Variants in LINGO1 observed in about 807,000 individuals in gnomAD.
LINGO1 encodes the protein leucine rich repeat and Ig domain containing 1, also known as leucine-rich repeat and immunoglobulin-like domain-containing nogo receptor-interacting protein 1.
LINGO1 carries 11 observed loss-of-function variants against 37.3 expected under a neutral mutation model. The observed-to-expected ratio is 0.29, with a 90% confidence interval of 0.19 to 0.49. The LOEUF is 0.49. Ranked by LOEUF, LINGO1 falls within the 20% of genes least tolerant of loss-of-function variation. The pLI, the probability that LINGO1 is intolerant of heterozygous loss-of-function variation, is 0.99. For synonymous variants in LINGO1, 387 were observed against 403.0 expected (o/e 0.96, Z 0.48); for missense variants, 585 against 878.2 (o/e 0.67, Z 4.22).
At chr15:77,702,108 G>A (rs1271008336) in intron 2 of LINGO1, among the ~76,000 whole-genome samples, 2 of 152,148 alleles carry the variant, frequency 1.3e-5, no homozygotes, top group Non-Finnish European at 2.9e-5. Flanking sequence ...GTGCTCCAAG[G>A]TGTTTAGTTC....
Position 77,614,569 on chromosome 15 carries a change from G to A in LINGO1, c.1338C>T (p.Cys446=). 1 of 1,610,578 alleles carries A rather than the reference G, an allele frequency of 6.2e-7. No homozygotes were observed. Among genetic ancestry groups the A allele is most frequent in the South Asian group, 1.1e-5 (1 of 90,726 alleles). The change falls in exon 2 of 2, where the codon TGC becomes TGT. Residue 446 remains cysteine, a synonymous_variant. Coordinates refer to ENST00000355300, the MANE Select transcript of LINGO1 (RefSeq NM_032808.7). ...VDEGHTVQFV[C]RADGDPPPAI... ...CGGGCGGCGGGTCGCCATCGGCCCG[G>A]CACACAAACTGCACCGTGTGGCCCT...
chr15:77,772,563 T>C (rs8035962), intron 1 of LINGO1, among the ~76,000 whole-genome samples: 118,139 of 152,038 alleles, frequency 0.78, 47,300 homozygotes, highest in Non-Finnish European at 0.87. Flanking sequence ...CCCAAATCCA[T>C]AGACTCGGCT....
At chr15:77,653,714 C>T (rs1596053966) in intron 3 of LINGO1, among the ~76,000 whole-genome samples, 1 of 152,258 alleles carries the variant, frequency 6.6e-6, no homozygotes, top group East Asian at 1.9e-4. Context: ...ACCCCAGAAG[C>T]AAAAGTCTTC....
intron 1 of LINGO1, among the ~76,000 whole-genome samples, chr15:77,619,026 G>A (rs1373520886): frequency 3.3e-5 from 5 of 152,262 alleles, no homozygotes; most frequent in Admixed American, 1.3e-4. Flanking sequence ...AGGGAAGCCA[G>A]TCAGGAAAGA....
At chr15:77,715,930 T>C (rs1479481261) in intron 2 of LINGO1, among the ~76,000 whole-genome samples, 6 of 152,172 alleles carry the variant, frequency 3.9e-5, no homozygotes, top group African/African-American at 1.4e-4. Flanking sequence ...CTGGTACGGC[T>C]CTGGTGTCTC....
chr15:77,801,896 C>T (rs541166270), intron 1 of LINGO1, among the ~76,000 whole-genome samples: 2 of 152,336 alleles, frequency 1.3e-5, no homozygotes, highest in Non-Finnish European at 2.9e-5. Flanking sequence ...CCGGGCCTCC[C>T]AGGCGAGGGT....
rs534645168 is a variant in LINGO1 at position 77,717,072 on chromosome 15, C to T, written c.-195+17920G>A. ...TGAGGAGGAGGGGAAGCCTGAGCCG[C>T]GGGGTGCTCAAGCTCAGCACTCTGC... is the stretch of plus-strand genomic sequence containing the variant. On this transcript the variant is annotated intron_variant, in intron 2 of 3. Transcript: ENST00000561686. 8.4e-5 allele frequency among the ~76,000 whole-genome samples: 9 copies of T among 107,084 alleles called. 1 individual carries two copies. The highest frequency in any genetic ancestry group is 1.1e-4 in the African/African-American group (4 of 35,626). 70.3% of individuals were successfully genotyped at this position (107,084 alleles called of 152,430 possible). A position where few individuals can be genotyped will look rare whatever the true frequency, so the allele number is the denominator to read the frequency against.
intron 1 of LINGO1, among the ~76,000 whole-genome samples, chr15:77,620,751 A>AG (rs1187039965): frequency 6.6e-6 from 1 of 152,150 alleles, no homozygotes; most frequent in Non-Finnish European, 1.5e-5. Flanking sequence ...TCTCTGTGGG[A>AG]GGGGGGCTCA....
At chr15:77,805,130 C>A (rs1291585539) in intron 1 of LINGO1, among the ~76,000 whole-genome samples, 2 of 152,222 alleles carry the variant, frequency 1.3e-5, no homozygotes, top group East Asian at 3.8e-4. Context: ...CCCCCTTGGA[C>A]AACTCTGTGC....
At chr15:77,798,771 C>T (rs2076893638) in intron 1 of LINGO1, among the ~76,000 whole-genome samples, 1 of 152,218 alleles carries the variant, frequency 6.6e-6, no homozygotes, top group Non-Finnish European at 1.5e-5. Flanking sequence ...CAGTGGAGCC[C>T]AGGGAGCTCT....
intron 1 of LINGO1, among the ~76,000 whole-genome samples, chr15:77,754,852 G>A (rs1472317026): frequency 6.6e-6 from 1 of 152,256 alleles, no homozygotes; most frequent in Admixed American, 6.5e-5. Context: ...CAGTCACTGA[G>A]GACCCTGGGA....
At chr15:77,631,724 C>G (rs1345608771) in intron 1 of LINGO1, among the ~76,000 whole-genome samples, 1 of 152,250 alleles carries the variant, frequency 6.6e-6, no homozygotes, top group Admixed American at 6.5e-5. Context: ...CTAAAGCGTT[C>G]CTGGGCGCTC....
intron 3 of LINGO1, among the ~76,000 whole-genome samples, chr15:77,662,531 C>T (rs1449031026): frequency 1.3e-5 from 2 of 152,126 alleles, no homozygotes; most frequent in Non-Finnish European, 2.9e-5. Context: ...CCAGCCCCCT[C>T]TAACTCCTCT....
upstream of LINGO1, among the ~76,000 whole-genome samples, chr15:77,698,722 G>A (rs1489134138): frequency 1.3e-5 from 2 of 152,244 alleles, no homozygotes; most frequent in African/African-American, 4.8e-5. Flanking sequence ...GCTGGAAAGG[G>A]TGAGGGGACA....
chr15:77,658,344 G>C (rs2074913395), intron 3 of LINGO1, among the ~76,000 whole-genome samples: 1 of 152,238 alleles, frequency 6.6e-6, no homozygotes. Flanking sequence ...GGAGAGGAGA[G>C]GCCAGGTCCA....
intron 2 of LINGO1, among the ~76,000 whole-genome samples, chr15:77,685,100 G>A (rs2141236776): frequency 6.7e-6 from 1 of 148,948 alleles, no homozygotes; most frequent in South Asian, 2.2e-4. Context: ...TGGGTGTGGG[G>A]AGTGGGGGTA....
chr15:77,615,208 G>A lies in LINGO1; in HGVS notation c.699C>T (p.Tyr233=). The A allele has an allele frequency of 1.2e-6, 2 of 1,613,754 alleles. No homozygotes were observed. The highest frequency in any genetic ancestry group is 1.7e-6 in the Non-Finnish European group (2 of 1,179,820). The change falls in exon 2 of 2, where the codon TAC becomes TAT. Residue 233 remains tyrosine (Y), a synonymous_variant. Transcript: ENST00000355300. The part of the protein sequence containing the change: ...RHLNINAIRD[Y]SFKRLYRLKV... The stretch of plus-strand genomic sequence containing the variant: ...TGAGTCGGTACAGCCTCTTGAAGGA[G>A]TAGTCCCGGATGGCATTGATGTTGA...
chr15:77,634,163 C>G, upstream of LINGO1: 1 of 438,710 alleles, frequency 2.3e-6, no homozygotes, highest in Admixed American at 2.4e-5. Context: ...AGGAAGCCTG[C>G]GCAACATCAT....
intron 1 of LINGO1, among the ~76,000 whole-genome samples, chr15:77,767,920 A>T (rs528419975): frequency 2.8e-4 from 42 of 152,324 alleles, no homozygotes; most frequent in African/African-American, 9.1e-4. Context: ...AAAAAGGAAA[A>T]CCAAAAAGCA....
Sources: allele counts gnomAD v4.1 joint callset (sites outside exome capture counted in the v4.1 genomes callset), GRCh38; gene constraint gnomAD v4.1.1; transcripts MANE v1.5; gene names NCBI Gene and HGNC (gene_info 2026-07-23, HGNC 2026-07-21).